The following ADAMTS16 variants were observed in gnomAD, a reference collection of about 807,000 sequenced individuals.
The protein encoded by ADAMTS16 is A disintegrin and metalloproteinase with thrombospondin motifs 16.
A neutral mutation model predicts 145.8 loss-of-function variants in ADAMTS16; 94 were observed. That is an observed-to-expected ratio of 0.64 (90% CI 0.55 to 0.77). The LOEUF (loss-of-function observed/expected upper bound fraction) is 0.77. Ranked by LOEUF, ADAMTS16 falls within the 30% of genes least tolerant of loss-of-function variation. The pLI is 0.00. For synonymous variants in ADAMTS16, 659 were observed against 604.3 expected (o/e 1.09, Z -1.33); for missense variants, 1,585 against 1,591.5 (o/e 1.00, Z 0.07).
intron 3 of ADAMTS16, among the ~76,000 whole-genome samples, chr5:5,164,990 A>G (rs114678289): frequency 6.6e-6 from 1 of 152,206 alleles, no homozygotes; most frequent in African/African-American, 2.4e-5. Flanking sequence ...ACTACCCCTC[A>G]CCACTTGAAG....
intron 18 of ADAMTS16, among the ~76,000 whole-genome samples, chr5:5,296,949 C>T (rs939820804): frequency 8.5e-5 from 13 of 152,146 alleles, no homozygotes; most frequent in African/African-American, 1.9e-4. Context: ...GGCACAGAAG[C>T]GGCAAGGGAG....
intron 18 of ADAMTS16, among the ~76,000 whole-genome samples, chr5:5,284,659 G>C (rs1202159582): frequency 6.6e-6 from 1 of 152,208 alleles, no homozygotes; most frequent in African/African-American, 2.4e-5. Flanking sequence ...TCCACTTGGT[G>C]TCTTCATTGA....
intron 11 of ADAMTS16, among the ~76,000 whole-genome samples, chr5:5,226,482 G>A (rs949919009): frequency 5.9e-5 from 9 of 152,198 alleles, no homozygotes; most frequent in African/African-American, 1.9e-4. Flanking sequence ...CATGGGAACT[G>A]TGGGAGCTAC....
Position 5,319,041 on chromosome 5 carries a change from A to G in ADAMTS16, c.3578A>G (p.Tyr1193Cys), listed in dbSNP as rs1561010314. 2.5e-6 allele frequency: 4 copies of G among 1,612,728 alleles called. No homozygotes were observed. Among genetic ancestry groups the G allele is most frequent in the African/African-American group, 1.3e-5 (1 of 74,918 alleles). ...AEKKDAFCKD[Y>C]FHWCYLVPQH... Reference sequence around the variant, plus strand: ...TTTTCAGATGCCTTCTGCAAAGACTACTTCCACTGGTGCTACCTGGTACCC... The same window carrying G: ...TTTTCAGATGCCTTCTGCAAAGACTGCTTCCACTGGTGCTACCTGGTACCC... Residue 1193 changes from tyrosine to cysteine, a missense_variant, in exon 23 of 23, where the codon TAC (tyrosine) becomes TGC (cysteine). Tyr to Cys is a radical substitution (Grantham distance 194). Transcript: ENST00000274181.
At chr5:5,311,160 CT>C (rs1191045203) in intron 21 of ADAMTS16, among the ~76,000 whole-genome samples, 2 of 152,042 alleles carry the variant, frequency 1.3e-5, no homozygotes, top group East Asian at 3.9e-4. Context: ...CTGACTCCCC[CT>C]GAACCGAAGT....
At chr5:5,176,434 T>A (rs1735197791) in intron 3 of ADAMTS16, among the ~76,000 whole-genome samples, 1 of 152,216 alleles carries the variant, frequency 6.6e-6, no homozygotes, top group African/African-American at 2.4e-5. Context: ...CTATGAAGAT[T>A]AGATTGTAGA....
intron 21 of ADAMTS16, among the ~76,000 whole-genome samples, chr5:5,316,946 A>G (rs1413739112): frequency 1.3e-5 from 2 of 152,176 alleles, no homozygotes; most frequent in East Asian, 1.9e-4. Context: ...TCATTGACAC[A>G]CTCAAAAATA....
chr5:5,298,012 G>A (rs1424488967), intron 18 of ADAMTS16, among the ~76,000 whole-genome samples: 1 of 152,146 alleles, frequency 6.6e-6, no homozygotes, highest in East Asian at 1.9e-4. Flanking sequence ...CATCAGAAAT[G>A]GGCTGTCCGT....
At chr5:5,141,322 T>A (rs1031919040) in intron 2 of ADAMTS16, among the ~76,000 whole-genome samples, 4 of 152,196 alleles carry the variant, frequency 2.6e-5, no homozygotes, top group African/African-American at 7.2e-5. Flanking sequence ...ATCAGCTGAT[T>A]GTGACACCAT....
chr5:5,215,886 A>G (rs1185660760), intron 10 of ADAMTS16, among the ~76,000 whole-genome samples: 1,129 of 67,104 alleles, frequency 0.017, 40 homozygotes, highest in African/African-American at 0.035. Flanking sequence ...ATATATATAT[A>G]TATATATATA....
chr5:5,162,759 AG>A (rs1734775478), intron 3 of ADAMTS16, among the ~76,000 whole-genome samples: 1 of 150,094 alleles, frequency 6.7e-6, no homozygotes, highest in East Asian at 2.0e-4. Flanking sequence ...AGAGAAGAGA[AG>A]AGAGGAGAGG....
chr5:5,236,044 G>A (rs1380559552), intron 13 of ADAMTS16, among the ~76,000 whole-genome samples: 4 of 152,208 alleles, frequency 2.6e-5, no homozygotes, highest in African/African-American at 9.7e-5. Flanking sequence ...CCACTAGGGA[G>A]GAGAGAAAGG....
intron 3 of ADAMTS16, among the ~76,000 whole-genome samples, chr5:5,149,524 ATTTT>A (rs1414999719): frequency 2.0e-5 from 3 of 152,228 alleles, no homozygotes; most frequent in Non-Finnish European, 4.4e-5. Context: ...AATAGGTACT[ATTTT>A]TAAAACAGCT....
At position 5,317,974 on chromosome 5, in the gene ADAMTS16, G is replaced by A. The variant is rs567372220; in HGVS notation, c.3412-160G>A. ...GTGAGCAGGGACCGTGCTCACTCGC[G>A]CACATCGTGGCCAACCATAACTCCA... On this transcript the variant is annotated intron_variant, in intron 21 of 22. Coordinates refer to ENST00000274181, the MANE Select transcript of ADAMTS16 (RefSeq NM_139056.4). This position sits in a 1 kb window ranked among gnomAD's most constrained non-coding sequence, Gnocchi z 4.5. 9.9e-4 allele frequency among the ~76,000 whole-genome samples: 151 copies of A among 152,192 alleles called. 1 individual carries two copies. Among genetic ancestry groups the A allele is most frequent in the Non-Finnish European group, 1.8e-3 (120 of 68,042 alleles).
intron 18 of ADAMTS16, among the ~76,000 whole-genome samples, chr5:5,280,921 A>T (rs932722934): frequency 6.6e-6 from 1 of 152,234 alleles, no homozygotes; most frequent in Non-Finnish European, 1.5e-5. Flanking sequence ...CTCAGGCCCA[A>T]GCAAACCAGC....
intron 17 of ADAMTS16, among the ~76,000 whole-genome samples, 185 bp from the exon 18 acceptor site, chr5:5,262,472 C>G (rs146663715): frequency 3.2e-4 from 49 of 152,278 alleles, no homozygotes; most frequent in African/African-American, 9.9e-4. Context: ...ATGAAATTCA[C>G]GAATTACAAC....
chr5:5,298,241 TAGG>T (rs1739627727), intron 18 of ADAMTS16, among the ~76,000 whole-genome samples: 1 of 152,230 alleles, frequency 6.6e-6, no homozygotes, highest in Non-Finnish European at 1.5e-5. Context: ...TGGTGGACTT[TAGG>T]AGGATTTGGA....
chr5:5,209,764 G>T (rs1176000418), intron 10 of ADAMTS16, among the ~76,000 whole-genome samples: 2 of 152,076 alleles, frequency 1.3e-5, no homozygotes, highest in African/African-American at 4.8e-5. Flanking sequence ...AACAGAAATT[G>T]CTCATGTAAC....
Position 5,317,771 on chromosome 5 carries a change from A to G in ADAMTS16, c.3412-363A>G, listed in dbSNP as rs1183729724. Among the ~76,000 whole-genome samples, 1 of 152,190 alleles carries G rather than the reference A, an allele frequency of 6.6e-6. No homozygotes were observed. The highest frequency in any genetic ancestry group is 1.5e-5 in the Non-Finnish European group (1 of 68,026). On this transcript the variant is annotated intron_variant, in intron 21 of 22. Coordinates refer to ENST00000274181, the MANE Select transcript of ADAMTS16 (RefSeq NM_139056.4). This position sits in a 1 kb window ranked among gnomAD's most constrained non-coding sequence, Gnocchi z 4.5. ...CCCGGGAACCGTCTGTTGAGACTAT[A>G]GAATCCAACTCTAGCGGTTCAAATC...
Sources: gnomAD v4.1 joint callset for allele counts (sites outside exome capture counted in the v4.1 genomes callset) on GRCh38, gnomAD v4.1.1 for gene constraint, Gnocchi (gnomAD v3.1) non-coding constraint, MANE v1.5 for transcripts, NCBI Gene and HGNC (gene_info 2026-07-23, HGNC 2026-07-21) for gene names.